SCRG1: variants seen among roughly 807,000 people sequenced by gnomAD.
SCRG1 encodes scrapie-responsive protein 1.
SCRG1 carries 3 observed loss-of-function variants against 7.7 expected under a neutral mutation model. The ratio of observed to expected loss-of-function variants is 0.39; its 90% CI spans 0.18 to 1.01. SCRG1 has a LOEUF of 1.01. Ranked by LOEUF, SCRG1 falls within the 50% of genes least tolerant of loss-of-function variation. The pLI is 0.36. For missense variants in SCRG1, 110 were observed against 117.2 expected (o/e 0.94, Z 0.28); for synonymous variants, 46 against 41.2 (o/e 1.12, Z -0.44).
the SCRG1 span, among the ~76,000 whole-genome samples, chr4:173,507,860 A>C: frequency 6.6e-6 from 1 of 152,208 alleles, no homozygotes; most frequent in Non-Finnish European, 1.5e-5. This position sits in a 1 kb window ranked among gnomAD's most constrained non-coding sequence, Gnocchi z 4.4. Flanking sequence ...TATGAATGTG[A>C]AATACTGTGG....
chr4:173,396,662 C>T (rs551204687), intron 1 of SCRG1, among the ~76,000 whole-genome samples: 2 of 151,026 alleles, frequency 1.3e-5, no homozygotes, highest in African/African-American at 2.4e-5. Flanking sequence ...CAGTCTAAGT[C>T]GCATACTACA....
chr4:173,417,391 AGACTCCTC>A, the SCRG1 span, among the ~76,000 whole-genome samples: 2 of 152,190 alleles, frequency 1.3e-5, no homozygotes, highest in Non-Finnish European at 2.9e-5. Context: ...CTTGAATTCT[AGACTCCTC>A]AATTTTCCAG....
the SCRG1 span, among the ~76,000 whole-genome samples, chr4:173,419,002 G>A: frequency 3.3e-5 from 5 of 152,096 alleles, no homozygotes; most frequent in African/African-American, 4.8e-5. Context: ...TCCTTGTAGC[G>A]ATTTGAGAAC....
the SCRG1 span, among the ~76,000 whole-genome samples, chr4:173,432,393 C>T: frequency 0.011 from 1,630 of 149,982 alleles, 13 homozygotes; most frequent in Non-Finnish European, 0.018. Flanking sequence ...CTCTTCCTCC[C>T]CTTACTCCTC....
the SCRG1 span, among the ~76,000 whole-genome samples, chr4:173,484,367 ATATTATATAT>A: frequency 1.4e-4 from 7 of 49,166 alleles, no homozygotes; most frequent in African/African-American, 2.9e-4. Flanking sequence ...TATATATTAT[ATATTATATAT>A]TATGTATATT....
chr4:173,513,236 T>C, the SCRG1 span, among the ~76,000 whole-genome samples: 4 of 152,214 alleles, frequency 2.6e-5, no homozygotes, highest in South Asian at 8.3e-4. Context: ...CTTTCTCCCT[T>C]TTTTCTTATT....
the SCRG1 span, among the ~76,000 whole-genome samples, chr4:173,509,332 C>T: frequency 6.6e-6 from 1 of 152,154 alleles, no homozygotes; most frequent in African/African-American, 2.4e-5. This position sits in a 1 kb window ranked among gnomAD's most constrained non-coding sequence, Gnocchi z 5.7. Flanking sequence ...ATAAAGCCCT[C>T]GCGCGCTCTG....
chr4:173,399,956 G>A (rs558577280), upstream of SCRG1, among the ~76,000 whole-genome samples: 4 of 152,294 alleles, frequency 2.6e-5, no homozygotes, highest in South Asian at 8.3e-4. Context: ...GGAGATTATA[G>A]GTGGTTTCAT....
chr4:173,517,443 G>C, the SCRG1 span, among the ~76,000 whole-genome samples: 8 of 152,020 alleles, frequency 5.3e-5, no homozygotes, highest in Non-Finnish European at 1.0e-4. Context: ...GTTTTTTACC[G>C]ATAACCAAAG....
the SCRG1 span, among the ~76,000 whole-genome samples, chr4:173,439,924 T>C: frequency 4.9e-4 from 74 of 152,346 alleles, no homozygotes; most frequent in African/African-American, 1.7e-3. Flanking sequence ...TAGGTTGTAA[T>C]AGGGGTATTT....
At chr4:173,483,070 TA>T in the SCRG1 span, among the ~76,000 whole-genome samples, 1 of 90,014 alleles carries the variant, frequency 1.1e-5, no homozygotes, top group African/African-American at 4.2e-5. Context: ...ATTTCATGTA[TA>T]TTTTATATAT....
At chr4:173,483,820 A>ATGATATATGATATG in the SCRG1 span, among the ~76,000 whole-genome samples, 16 of 23,622 alleles carry the variant, frequency 6.8e-4, 1 homozygote, top group Non-Finnish European at 1.0e-3. Context: ...TGTAATATAT[A>ATGATATATGATATG]TAATATATAT....
intron 1 of SCRG1, among the ~76,000 whole-genome samples, chr4:173,395,822 A>T (rs1739587645): frequency 6.6e-6 from 1 of 151,816 alleles, no homozygotes; most frequent in African/African-American, 2.4e-5. Flanking sequence ...CTGATTAATT[A>T]TTTAGTGAAT....
At chr4:173,483,202 TATG>T in the SCRG1 span, among the ~76,000 whole-genome samples, 1 of 80,096 alleles carries the variant, frequency 1.2e-5, no homozygotes, top group Non-Finnish European at 2.4e-5. Flanking sequence ...ATATATATTA[TATG>T]ATATATCATA....
At chr4:173,485,055 T>TAATATATAATATAA in the SCRG1 span, among the ~76,000 whole-genome samples, 325 of 23,602 alleles carry the variant, frequency 0.014, 49 homozygotes, top group South Asian at 0.049. Flanking sequence ...ATATAATATA[T>TAATATATAATATAA]TATATATTAT....
chr4:173,500,472 T>TTGTGTG, the SCRG1 span, among the ~76,000 whole-genome samples: 2,577 of 150,202 alleles, frequency 0.017, 34 homozygotes, highest in Middle Eastern at 0.055. Context: ...TTAGTAAATT[T>TTGTGTG]TGTGTGTGTG....
the SCRG1 span, among the ~76,000 whole-genome samples, chr4:173,465,385 C>T: frequency 6.6e-6 from 1 of 151,996 alleles, no homozygotes; most frequent in Non-Finnish European, 1.5e-5. Flanking sequence ...ACTGAATGTC[C>T]ATTAACAGGG....
At chr4:173,430,457 A>G in the SCRG1 span, among the ~76,000 whole-genome samples, 1 of 152,106 alleles carries the variant, frequency 6.6e-6, no homozygotes, top group Non-Finnish European at 1.5e-5. Flanking sequence ...CCTATAGGTA[A>G]TGTGCCACCC....
At chr4:173,396,511 A>C (rs1739607164) in intron 1 of SCRG1, among the ~76,000 whole-genome samples, 1 of 152,224 alleles carries the variant, frequency 6.6e-6, no homozygotes, top group Non-Finnish European at 1.5e-5. Flanking sequence ...TGCCTGCTTC[A>C]ATGCTGAGCT....
Sources: allele counts gnomAD v4.1 joint callset (sites outside exome capture counted in the v4.1 genomes callset), GRCh38; gene constraint gnomAD v4.1.1; non-coding constraint Gnocchi (gnomAD v3.1); transcripts MANE v1.5; gene names NCBI Gene and HGNC (gene_info 2026-07-23, HGNC 2026-07-21).